The following LRP1B variants were observed in gnomAD, a reference collection of about 807,000 sequenced individuals.
LRP1B encodes the protein low-density lipoprotein receptor-related protein 1B.
Under a neutral mutation model 556.6 loss-of-function variants are expected in LRP1B, and 217 were observed. That is an observed-to-expected ratio of 0.39 (90% CI 0.35 to 0.44). LRP1B has a LOEUF of 0.44. LRP1B is among the 20% of genes least tolerant of loss of function. The pLI is 1.00. For missense variants in LRP1B, 5,053 were observed against 5,620.8 expected, an observed-to-expected ratio of 0.90 and a Z score of 3.23; for synonymous variants, 2,047 against 1,865.8, an observed-to-expected ratio of 1.10 and a Z score of -2.50.
chr2:141,651,940 GATCA>G (rs2105380703), intron 2 of LRP1B, among the ~76,000 whole-genome samples: 1 of 152,154 alleles, frequency 6.6e-6, no homozygotes, highest in African/African-American at 2.4e-5. Flanking sequence ...CATGTTTTAA[GATCA>G]ATATGTAATA....
chr2:141,226,628 A>G (rs1683259349), intron 6 of LRP1B, among the ~76,000 whole-genome samples: 1 of 152,202 alleles, frequency 6.6e-6, no homozygotes, highest in African/African-American at 2.4e-5. Context: ...GGATAGTGAC[A>G]GGTATTCAGG....
At chr2:141,938,176 G>A (rs939018361) in intron 1 of LRP1B, among the ~76,000 whole-genome samples, 1 of 152,038 alleles carries the variant, frequency 6.6e-6, no homozygotes, top group Non-Finnish European at 1.5e-5. Context: ...GCAACCTACA[G>A]ACTGAAAATT....
intron 4 of LRP1B, among the ~76,000 whole-genome samples, chr2:141,253,324 T>G (rs976810055): frequency 6.6e-6 from 1 of 152,206 alleles, no homozygotes; most frequent in Admixed American, 6.5e-5. Context: ...AATGACATAA[T>G]GACATGAGTC....
At chr2:140,564,781 G>A (rs558026893) in intron 43 of LRP1B, among the ~76,000 whole-genome samples, 2 of 152,028 alleles carry the variant, frequency 1.3e-5, no homozygotes, top group Non-Finnish European at 2.9e-5. Context: ...TCAGAAGAAA[G>A]CAAGGCACCA....
intron 21 of LRP1B, among the ~76,000 whole-genome samples, chr2:140,908,572 T>G (rs1694328438): frequency 6.6e-6 from 1 of 151,888 alleles, no homozygotes; most frequent in South Asian, 2.1e-4. Context: ...GTTGTCCTTC[T>G]ATTTACATTT....
chr2:140,495,548 C>G lies in LRP1B; in HGVS notation c.9034+17G>C, dbSNP rs2104872578. On this transcript the variant is annotated intron_variant, in intron 56 of 90. Transcript: ENST00000389484. ...GTATAACTGAGGTTGGATCAGTGGG[C>G]AAGTTCAATTCGATACCTGAGAGCG... 6.4e-7 allele frequency: 1 copy of G among 1,555,362 alleles called. No individual in the cohort carries two copies. Among genetic ancestry groups the G allele is most frequent in the Non-Finnish European group, 8.8e-7 (1 of 1,136,770 alleles).
intron 1 of LRP1B, among the ~76,000 whole-genome samples, chr2:141,814,169 A>G (rs1364086619): frequency 6.6e-6 from 1 of 152,174 alleles, no homozygotes; most frequent in Non-Finnish European, 1.5e-5. Context: ...GAAGAAGAGT[A>G]CAAAACGGGA....
intron 3 of LRP1B, among the ~76,000 whole-genome samples, chr2:141,368,159 T>C (rs1689110361): frequency 6.6e-6 from 1 of 152,226 alleles, no homozygotes. Context: ...TTTAATGTAA[T>C]ATAAAATTCA....
intron 1 of LRP1B, among the ~76,000 whole-genome samples, chr2:142,013,272 C>G (rs1489970662): frequency 2.0e-5 from 3 of 151,784 alleles, no homozygotes; most frequent in African/African-American, 7.3e-5. Context: ...TGTGGAGGCT[C>G]TTAAAGGAAG....
At chr2:141,590,236 T>C (rs1015603891) in intron 2 of LRP1B, among the ~76,000 whole-genome samples, 2 of 152,188 alleles carry the variant, frequency 1.3e-5, no homozygotes, top group African/African-American at 4.8e-5. Flanking sequence ...TCTTTCTTTT[T>C]TAAAAAGAGA....
intron 41 of LRP1B, among the ~76,000 whole-genome samples, chr2:140,637,198 G>A (rs1431569150): frequency 6.6e-6 from 1 of 152,166 alleles, no homozygotes; most frequent in Admixed American, 6.5e-5. Context: ...ATGGCACTGA[G>A]ATCCAGCAAT....
At chr2:141,951,680 AC>A (rs1418794892) in intron 1 of LRP1B, among the ~76,000 whole-genome samples, 1 of 152,154 alleles carries the variant, frequency 6.6e-6, no homozygotes, top group Non-Finnish European at 1.5e-5. Flanking sequence ...AAGAAAGCTA[AC>A]TAAATTAGCA....
At chr2:142,058,603 G>T (rs1704771177) in intron 1 of LRP1B, among the ~76,000 whole-genome samples, 2 of 151,914 alleles carry the variant, frequency 1.3e-5, no homozygotes, top group African/African-American at 4.8e-5. Flanking sequence ...TTCTATGTGT[G>T]GCCCAAGACA....
chr2:142,086,640 C>CAAACAAACAA (rs1366239561), intron 1 of LRP1B, among the ~76,000 whole-genome samples: 4 of 147,662 alleles, frequency 2.7e-5, no homozygotes, highest in African/African-American at 1.0e-4. Flanking sequence ...AACAAACAAA[C>CAAACAAACAA]AAAAAAAAAA....
rs142362407 is a variant in LRP1B, at chr2:142,003,181, T to A, written c.82+127467A>T. 5.1e-3 allele frequency among the ~76,000 whole-genome samples: 772 copies of A among 152,348 alleles called. 6 individuals carry two copies. Among genetic ancestry groups the A allele is most frequent in the African/African-American group, 0.017 (725 of 41,584 alleles). On this transcript the variant is annotated intron_variant, in intron 1 of 90. Coordinates refer to ENST00000389484, the MANE Select transcript of LRP1B (RefSeq NM_018557.3). ...CCATGGGCAATATGAATCAACGTGA[T>A]TCCATAAAAATTTACTGAACACTTA...
chr2:141,016,816 TTTGCTAAG>T (rs1208839328), intron 12 of LRP1B, among the ~76,000 whole-genome samples: 2 of 152,156 alleles, frequency 1.3e-5, no homozygotes, highest in South Asian at 4.1e-4. Flanking sequence ...GTCTCAAATC[TTTGCTAAG>T]CTGCTGACCC....
At chr2:141,841,259 T>A (rs192785436) in intron 1 of LRP1B, among the ~76,000 whole-genome samples, 1,612 of 152,310 alleles carry the variant, frequency 0.011, 14 homozygotes, top group Non-Finnish European at 0.019. Context: ...ATAATTTCCA[T>A]AATAAAATAA....
intron 2 of LRP1B, among the ~76,000 whole-genome samples, chr2:141,657,198 T>A (rs1213663052): frequency 6.6e-6 from 1 of 152,114 alleles, no homozygotes; most frequent in East Asian, 1.9e-4. Context: ...ATGCAAAATG[T>A]TTGTATTTAA....
chr2:141,822,940 G>T (rs992301168), intron 1 of LRP1B, among the ~76,000 whole-genome samples: 1 of 152,184 alleles, frequency 6.6e-6, no homozygotes, highest in African/African-American at 2.4e-5. Context: ...GAAGAGCAAT[G>T]AAAATAGATT....
Sources: allele counts gnomAD v4.1 joint callset (sites outside exome capture counted in the v4.1 genomes callset), GRCh38; gene constraint gnomAD v4.1.1; transcripts MANE v1.5; gene names NCBI Gene and HGNC (gene_info 2026-07-23, HGNC 2026-07-21).